Variants in KRT8 observed in about 807,000 individuals in gnomAD.
KRT8 encodes the protein keratin 8.
Under a neutral mutation model 43.0 loss-of-function variants are expected in KRT8, and 24 were observed. The ratio of observed to expected loss-of-function variants is 0.56; its 90% CI spans 0.40 to 0.78. The LOEUF is 0.78. Ranked by LOEUF, KRT8 falls within the 30% of genes least tolerant of loss-of-function variation. The probability of loss-of-function intolerance (pLI) is 0.00; values close to 1 mark genes in which losing one functional copy is unlikely to be tolerated. For missense variants in KRT8, 492 were observed against 638.4 expected, an observed-to-expected ratio of 0.77 and a Z score of 2.47; for synonymous variants, 214 against 261.2, an observed-to-expected ratio of 0.82 and a Z score of 1.74.
upstream of KRT8, among the ~76,000 whole-genome samples, chr12:52,909,824 G>A (rs1326989365): frequency 6.6e-6 from 1 of 152,220 alleles, no homozygotes; most frequent in Admixed American, 6.5e-5. Context: ...TTTTGCTTGT[G>A]ATAAGAGATA....
intron 2 of KRT8, chr12:52,946,482 T>C (rs1432755960): frequency 1.3e-5 from 2 of 152,212 alleles, no homozygotes; most frequent in Non-Finnish European, 2.9e-5. Flanking sequence ...GGACAGGTCT[T>C]ACTGTTTTCC....
chr12:52,898,997 G>T, intron 5 of KRT8, 98 bp from the exon 6 acceptor site: 1 of 1,022,046 alleles, frequency 9.8e-7, no homozygotes, highest in Non-Finnish European at 1.5e-6. Flanking sequence ...CACCACCTAG[G>T]CTGACTCCCC....
chr12:52,938,136 C>CTATATATA (rs1161700326), intron 2 of KRT8, among the ~76,000 whole-genome samples: 499 of 43,824 alleles, frequency 0.011, 27 homozygotes, highest in Admixed American at 0.022. Flanking sequence ...CACTAGAAAG[C>CTATATATA]TATATATATA....
rs542852966 is a variant in KRT8, at chr12:52,897,524, G to A, written c.1356C>T (p.Phe452=). 195 of 1,598,626 alleles carry A rather than the reference G, an allele frequency of 1.2e-4. 2 individuals are homozygous for A. In the South Asian group the frequency reaches 1.9e-3, roughly 15 times the overall value. ...CGGCCCTGGAGGAGCTGGTGCGGCT[G>A]AAGGAGCTGGAGCCCGCGCCAGAGC... Residue 452 remains phenylalanine, a synonymous_variant, in exon 8 of 8, where the codon TTC becomes TTT. Transcript: ENST00000692008.
intron 2 of KRT8, among the ~76,000 whole-genome samples, chr12:52,943,505 T>C (rs982452572): frequency 6.6e-6 from 1 of 152,158 alleles, no homozygotes; most frequent in African/African-American, 2.4e-5. Context: ...TTGCCTCAAG[T>C]CCCTCTGTGC....
chr12:52,898,747 C>T (rs761357128), exon 6 of KRT8: 1 of 1,614,238 alleles, frequency 6.2e-7, no homozygotes, highest in Non-Finnish European at 8.5e-7. Context: ...GCTTGACGTT[C>T]ATCAGCTCCT....
chr12:52,897,327 A>T (rs1318874611), exon 8 of KRT8: 3 of 1,128,390 alleles, frequency 2.7e-6, no homozygotes, highest in Non-Finnish European at 4.0e-6. Flanking sequence ...GCTGAGCCTC[A>T]GGTGGGTCTC....
At chr12:52,911,538 T>C (rs1288478346), upstream of KRT8, among the ~76,000 whole-genome samples, 1 of 152,032 alleles carries the variant, frequency 6.6e-6, no homozygotes, top group Non-Finnish European at 1.5e-5. Context: ...CAATAACACA[T>C]ACAGTGCAAA....
At chr12:52,932,121 T>C (rs1592182826) in intron 2 of KRT8, among the ~76,000 whole-genome samples, 1 of 143,310 alleles carries the variant, frequency 7.0e-6, no homozygotes. Flanking sequence ...TGAGATGGAG[T>C]CTCACTCTGT....
chr12:52,946,245 G>A (rs943494258), intron 2 of KRT8, among the ~76,000 whole-genome samples: 1 of 152,150 alleles, frequency 6.6e-6, no homozygotes, highest in African/African-American at 2.4e-5. Context: ...TTGATTGCTG[G>A]TAGATTTCAA....
intron 2 of KRT8, among the ~76,000 whole-genome samples, chr12:52,926,077 G>T (rs953426670): frequency 6.6e-6 from 1 of 152,048 alleles, no homozygotes. Context: ...GTGGAAGGGG[G>T]TGACATAATT....
chr12:52,920,292 TC>T (rs1410390928), intron 2 of KRT8, among the ~76,000 whole-genome samples: 1 of 152,082 alleles, frequency 6.6e-6, no homozygotes, highest in African/African-American at 2.4e-5. Context: ...GGGGGACCTC[TC>T]CCCATCAAAA....
At chr12:52,908,431 G>T (rs1268213609), upstream of KRT8, among the ~76,000 whole-genome samples, 1 of 152,080 alleles carries the variant, frequency 6.6e-6, no homozygotes, top group Non-Finnish European at 1.5e-5. Flanking sequence ...AATGACGAAT[G>T]GATTTCTTTA....
In KRT8 at chr12:52,937,999, C is replaced by CA. The variant is rs533386383; in HGVS notation, c.-47+11456dup. On this transcript the variant is annotated intron_variant, in intron 2 of 6. Transcript: ENST00000546826. ...TGGGCAAAAGAACAAAACTCCATCTCAAAAAAAAAAAAAAAAGTTGCCAAA... is the reference window on the plus strand; with the variant it reads ...TGGGCAAAAGAACAAAACTCCATCTCAAAAAAAAAAAAAAAAAGTTGCCAAA... 5.1e-3 allele frequency among the ~76,000 whole-genome samples: 271 copies of CA among 52,662 alleles called. 1 individual carries two copies. Among genetic ancestry groups the CA allele is most frequent in the Middle Eastern group, 0.013 (1 of 76 alleles). 34.5% of individuals were successfully genotyped at this position (52,662 alleles called of 152,430 possible).
At chr12:52,901,526 G>T in intron 2 of KRT8, 1 of 551,540 alleles carries the variant, frequency 1.8e-6, no homozygotes, top group Non-Finnish European at 3.2e-6. Flanking sequence ...TAGAGGTCAA[G>T]GGTCAAGACT....
intron 5 of KRT8, 44 bp from the exon 6 acceptor site, chr12:52,898,943 T>C: frequency 6.4e-7 from 1 of 1,570,522 alleles, no homozygotes; most frequent in African/African-American, 1.4e-5. Context: ...TGGGTATGCC[T>C]TCTCTTCTCC....
intron 2 of KRT8, among the ~76,000 whole-genome samples, chr12:52,937,258 C>A (rs979252031): frequency 6.6e-6 from 1 of 151,830 alleles, no homozygotes; most frequent in Non-Finnish European, 1.5e-5. Flanking sequence ...GTAATCCCAG[C>A]CACTTGGGAG....
At chr12:52,934,288 C>A (rs922320063) in intron 2 of KRT8, among the ~76,000 whole-genome samples, 1 of 151,828 alleles carries the variant, frequency 6.6e-6, no homozygotes, top group Non-Finnish European at 1.5e-5. Context: ...AAGCCGGGCA[C>A]AGTGGTTTAC....
intron 2 of KRT8, among the ~76,000 whole-genome samples, chr12:52,934,795 C>T (rs1334209436): frequency 1.3e-5 from 2 of 151,682 alleles, no homozygotes; most frequent in African/African-American, 4.8e-5. Context: ...ATGGAGAAAA[C>T]CCATCTCTAC....
Sources: allele counts gnomAD v4.1 joint callset (sites outside exome capture counted in the v4.1 genomes callset), GRCh38; gene constraint gnomAD v4.1.1; transcripts MANE v1.5; gene names NCBI Gene and HGNC (gene_info 2026-07-23, HGNC 2026-07-21).